The following PPOX variants were observed in gnomAD, a reference collection of about 807,000 sequenced individuals.
PPOX encodes protoporphyrinogen oxidase.
A neutral mutation model predicts 54.1 loss-of-function variants in PPOX; 23 were observed. The ratio of observed to expected loss-of-function variants is 0.43; its 90% CI spans 0.31 to 0.60. The LOEUF (loss-of-function observed/expected upper bound fraction) is 0.60. PPOX is among the 20% of genes least tolerant of loss of function. The pLI is 0.13. For missense variants in PPOX, 512 were observed against 601.1 expected (o/e 0.85, Z 1.55); for synonymous variants, 224 against 236.1 (o/e 0.95, Z 0.47).
chr1:161,170,122 C>T (rs1306283518), intron 9 of PPOX, 98 bp downstream of exon 9: 13 of 1,407,046 alleles, frequency 9.2e-6, no homozygotes, highest in Middle Eastern at 2.4e-4. Context: ...GTCAGGAGTT[C>T]GAGACCAGCC....
At chr1:161,170,578 G>A (rs764916129) in intron 10 of PPOX, 42 bp from the exon 11 acceptor site, 3 of 1,614,190 alleles carry the variant, frequency 1.9e-6, no homozygotes, top group South Asian at 1.1e-5. Context: ...GTGCTCCATT[G>A]TAGGCAAGGC....
At chr1:161,175,713 G>T, downstream of PPOX, 1 of 1,536,348 alleles carries the variant, frequency 6.5e-7, no homozygotes, top group Non-Finnish European at 8.8e-7. Context: ...CCTCTTCTAA[G>T]TTCCACTTCT....
rs560501913 is a variant in PPOX, at chr1:161,167,021, T to A, written c.88-79T>A. On this transcript the variant is annotated intron_variant, in intron 2 of 12. Transcript: ENST00000367999. ...GCTAGATGGATCCTGGCCCTCTGAA[T>A]ATGCCTCTTCCCCTCCCCTCCTGAC... The A allele has an allele frequency of 2.8e-5, 45 of 1,612,670 alleles. No homozygotes were observed. The South Asian group carries it at 4.2e-4, about 15-fold the overall frequency.
Position 161,169,911 on chromosome 1 carries a change from A to T in PPOX, c.874A>T (p.Ser292Cys), listed in dbSNP as rs1347861218. 3 of 1,614,238 alleles carry T rather than the reference A, an allele frequency of 1.9e-6. No homozygotes were observed. The highest frequency in any genetic ancestry group is 2.5e-6 in the Non-Finnish European group (3 of 1,180,032). Reference sequence around the variant, plus strand: ...GGCCTCTGCCTGATCTCTAGTGCTCAGTGAGCTGCTCCCTGCTGAGGCTGC... The same window carrying T: ...GGCCTCTGCCTGATCTCTAGTGCTCTGTGAGCTGCTCCCTGCTGAGGCTGC... ...VISAIPASVLSELLPAEAAPL... is the reference protein window; with the variant it reads ...VISAIPASVLCELLPAEAAPL... Residue 292 changes from serine to cysteine, a missense_variant, in exon 9 of 13, where the codon AGT becomes TGT. By Grantham distance (112) the Ser-to-Cys change is moderately radical (BLOSUM62 -1). Coordinates refer to ENST00000367999, the MANE Select transcript of PPOX (RefSeq NM_001122764.3).
downstream of PPOX, chr1:161,174,113 G>A: frequency 3.2e-6 from 5 of 1,546,108 alleles, no homozygotes; most frequent in South Asian, 3.6e-5. Context: ...GGGGGCTAAA[G>A]AATAAAAGTG....
chr1:161,173,550 A>G, downstream of PPOX: 1 of 1,611,474 alleles, frequency 6.2e-7, no homozygotes, highest in East Asian at 2.2e-5. Context: ...AGGTGGTCTT[A>G]GAGGACAGGG....
downstream of PPOX, chr1:161,177,376 A>G (rs1425666672): frequency 2.7e-6 from 1 of 371,240 alleles, no homozygotes; most frequent in Non-Finnish European, 5.1e-6. Flanking sequence ...CGAATGCCCA[A>G]ACCTTTATCC....
At chr1:161,171,426 CCAAA>C, downstream of PPOX, 1 of 640,056 alleles carries the variant, frequency 1.6e-6, no homozygotes, top group Non-Finnish European at 2.7e-6. Flanking sequence ...GCTTCCTTCA[CCAAA>C]CAACTTCCCG....
downstream of PPOX, chr1:161,173,908 G>T (rs776027319): frequency 3.1e-6 from 5 of 1,613,984 alleles, no homozygotes; most frequent in Admixed American, 8.3e-5. Flanking sequence ...GGTCCCCGGG[G>T]GTCACACACA....
At chr1:161,167,072 C>T (rs1659241586) in intron 2 of PPOX, 28 bp from the exon 3 acceptor site, 1 of 1,614,082 alleles carries the variant, frequency 6.2e-7, no homozygotes, top group Non-Finnish European at 8.5e-7. Context: ...ACAGGCGGTG[C>T]TGCAGTGTCT....
At chr1:161,176,998 G>A (rs1558060768) in exon 5 of PPOX, 6 of 1,536,094 alleles carry the variant, frequency 3.9e-6, no homozygotes, top group South Asian at 1.2e-5. Flanking sequence ...ACCACCTGGG[G>A]GCTGTAAGCG....
intron 7 of PPOX, 171 bp downstream of exon 7, chr1:161,169,354 A>C (rs1427339989): frequency 6.1e-6 from 5 of 815,394 alleles, no homozygotes; most frequent in Middle Eastern, 2.7e-4. Flanking sequence ...AACCTTCCTC[A>C]AAGAGCCTAT....
chr1:161,173,945 G>A (rs1662458454), downstream of PPOX: 1 of 1,614,174 alleles, frequency 6.2e-7, no homozygotes, highest in Middle Eastern at 1.6e-4. Flanking sequence ...TTTCTGGCAA[G>A]AGGTCCACAT....
At chr1:161,170,074 C>G in intron 9 of PPOX, 50 bp downstream of exon 9, 1 of 1,575,406 alleles carries the variant, frequency 6.3e-7, no homozygotes. Flanking sequence ...CACCTGTAAT[C>G]CCAGCATTTT....
downstream of PPOX, chr1:161,172,541 A>G: frequency 5.5e-6 from 3 of 545,950 alleles, no homozygotes; most frequent in Non-Finnish European, 9.5e-6. Flanking sequence ...AGTGCCAGTC[A>G]CCCTAGGGCC....
At chr1:161,175,263 G>A (rs1663072559), downstream of PPOX, 2 of 1,574,384 alleles carry the variant, frequency 1.3e-6, no homozygotes, top group African/African-American at 1.4e-5. Context: ...AGGGATCAGA[G>A]GGGCAAAGAG....
At chr1:161,178,009 T>C (rs1664155246), downstream of PPOX, 1 of 152,178 alleles carries the variant, frequency 6.6e-6, no homozygotes, top group Non-Finnish European at 1.5e-5. Flanking sequence ...CAATGAAACA[T>C]TGAAGGTGGA....
At chr1:161,167,057 C>G in intron 2 of PPOX, 43 bp from the exon 3 acceptor site, 2 of 1,614,102 alleles carry the variant, frequency 1.2e-6, no homozygotes, top group Non-Finnish European at 1.7e-6. Flanking sequence ...CTCTCGCCGG[C>G]GGCTACAGGC....
chr1:161,168,233 C>T (rs1234471239), intron 5 of PPOX, 106 bp downstream of exon 5: 9 of 1,579,324 alleles, frequency 5.7e-6, no homozygotes, highest in Non-Finnish European at 7.8e-6. Flanking sequence ...TTGGGGATGC[C>T]CTCTTCTCTT....
Sources: gnomAD v4.1 joint callset for allele counts on GRCh38, gnomAD v4.1.1 for gene constraint, MANE v1.5 for transcripts, NCBI Gene and HGNC (gene_info 2026-07-23, HGNC 2026-07-21) for gene names.